Variants in DNAI4 observed in about 807,000 individuals in gnomAD.
The protein encoded by DNAI4 is dynein axonemal intermediate chain 4.
A neutral mutation model predicts 105.8 loss-of-function variants in DNAI4; 85 were observed. That is an observed-to-expected ratio of 0.80 (90% confidence interval 0.67 to 0.96). DNAI4 has a LOEUF of 0.96. Among genes scored for constraint, DNAI4 ranks in the 40% least tolerant of loss-of-function variants. DNAI4 has a pLI of 0.00. For missense variants in DNAI4, 1,014 were observed against 1,005.6 expected (o/e 1.01, Z -0.11); for synonymous variants, 352 against 331.5 (o/e 1.06, Z -0.67).
chr1:66,827,508 A>T (rs1645780671), intron 14 of DNAI4, among the ~76,000 whole-genome samples: 1 of 152,164 alleles, frequency 6.6e-6, no homozygotes, highest in East Asian at 1.9e-4. Context: ...CATTAAAAAA[A>T]ATAAGCTATA....
intron 7 of DNAI4, among the ~76,000 whole-genome samples, chr1:66,853,000 C>T (rs1557926843): frequency 6.6e-6 from 1 of 152,252 alleles, no homozygotes; most frequent in East Asian, 1.9e-4. Context: ...AGTCAAGTAG[C>T]TAAAGCCAAG....
intron 2 of DNAI4, among the ~76,000 whole-genome samples, chr1:66,900,489 TG>T (rs1463874113): frequency 6.6e-6 from 1 of 152,182 alleles, no homozygotes; most frequent in Non-Finnish European, 1.5e-5. Flanking sequence ...CAGATCAGTT[TG>T]GGGAGTATAA....
At chr1:66,866,760 T>A (rs556090833) in intron 6 of DNAI4, among the ~76,000 whole-genome samples, 1 of 152,320 alleles carries the variant, frequency 6.6e-6, no homozygotes, top group Non-Finnish European at 1.5e-5. Flanking sequence ...AGACTGGAAA[T>A]TATTTACCTT....
At chr1:66,893,037 A>AG (rs1647885273) in intron 3 of DNAI4, among the ~76,000 whole-genome samples, 192 bp downstream of exon 3, 2 of 112,658 alleles carry the variant, frequency 1.8e-5, no homozygotes, top group African/African-American at 7.9e-5. Flanking sequence ...AAAGAGAGGA[A>AG]AGAAAGAAAG....
At chr1:66,836,261 A>AAAG (rs1646010738) in intron 10 of DNAI4, among the ~76,000 whole-genome samples, 1 of 11,880 alleles carries the variant, frequency 8.4e-5, no homozygotes, top group Non-Finnish European at 1.9e-4. Flanking sequence ...AGAGAGAAAG[A>AAAG]AAGAAAGAAA....
chr1:66,900,854 C>G (rs935543473), intron 2 of DNAI4, among the ~76,000 whole-genome samples: 1 of 152,120 alleles, frequency 6.6e-6, no homozygotes, highest in African/African-American at 2.4e-5. Context: ...GATGTTTTTA[C>G]CTCTTACTTT....
chr1:66,833,795 A>G, intron 12 of DNAI4, 89 bp from the exon 13 acceptor site: 1 of 1,497,060 alleles, frequency 6.7e-7, no homozygotes. Context: ...GCAAATAATA[A>G]TATTAGTTCT....
intron 8 of DNAI4, among the ~76,000 whole-genome samples, chr1:66,845,157 C>T (rs1451341129): frequency 2.5e-5 from 3 of 118,486 alleles, no homozygotes; most frequent in Admixed American, 9.2e-5. Context: ...TGCCTTTGCA[C>T]TCCAGCCTGG....
intron 8 of DNAI4, among the ~76,000 whole-genome samples, chr1:66,845,805 A>T (rs533312516): frequency 3.9e-4 from 59 of 150,386 alleles, no homozygotes; most frequent in Non-Finnish European, 6.2e-4. Flanking sequence ...AGAATAGGGA[A>T]AGTTAATCTA....
chr1:66,834,163 A>G lies in DNAI4; in HGVS notation c.1734-15T>C. On this transcript the variant is annotated splice_polypyrimidine_tract_variant and intron_variant, in intron 11 of 16. Coordinates refer to ENST00000371026, the MANE Select transcript of DNAI4 (RefSeq NM_024763.5). ...GAGGTGATTCACTAAAACAGTAAAA[A>G]AAATACTAAACATATAATCATTATA... 2 of 1,578,994 alleles carry G rather than the reference A, an allele frequency of 1.3e-6. No individual in the cohort carries two copies. The highest frequency in any genetic ancestry group is 1.2e-5 in the South Asian group (1 of 83,998).
chr1:66,828,826 T>C (rs1035259088), intron 13 of DNAI4, among the ~76,000 whole-genome samples: 6 of 152,234 alleles, frequency 3.9e-5, no homozygotes, highest in African/African-American at 1.4e-4. Context: ...GATATTTTCC[T>C]ACATTTTCTT....
intron 6 of DNAI4, 92 bp downstream of exon 6, chr1:66,871,278 T>C: frequency 8.3e-7 from 1 of 1,206,676 alleles, no homozygotes; most frequent in South Asian, 1.8e-5. Context: ...TTATTTTTGC[T>C]TTATACATTT....
chr1:66,833,942 T>A, intron 12 of DNAI4, 49 bp downstream of exon 12: 1 of 1,539,936 alleles, frequency 6.5e-7, no homozygotes, highest in South Asian at 1.3e-5. Flanking sequence ...AACTAGAAAA[T>A]TTTAATTCAG....
chr1:66,817,062 A>G (rs1645532838), intron 16 of DNAI4, among the ~76,000 whole-genome samples: 1 of 152,096 alleles, frequency 6.6e-6, no homozygotes, highest in African/African-American at 2.4e-5. Context: ...TGTATTCAAA[A>G]TTTGTCATAT....
intron 6 of DNAI4, among the ~76,000 whole-genome samples, chr1:66,865,246 A>T (rs1376189378): frequency 6.6e-6 from 1 of 152,064 alleles, no homozygotes; most frequent in Non-Finnish European, 1.5e-5. Context: ...AACATGGTGA[A>T]AACCCCATCT....
intron 3 of DNAI4, among the ~76,000 whole-genome samples, chr1:66,892,704 G>C (rs555369949): frequency 6.6e-6 from 1 of 151,946 alleles, no homozygotes; most frequent in East Asian, 1.9e-4. Context: ...TCAGGAGTTC[G>C]AGATCAGTCT....
intron 1 of DNAI4, chr1:66,921,216 G>A (rs944250097): frequency 2.0e-4 from 31 of 152,100 alleles, no homozygotes; most frequent in African/African-American, 3.6e-4. Flanking sequence ...GAACATGTAA[G>A]GAATATAAAG....
At chr1:66,836,208 G>GAAAGAGAGAGAGAA (rs1409438113) in intron 10 of DNAI4, among the ~76,000 whole-genome samples, 1 of 46,812 alleles carries the variant, frequency 2.1e-5, no homozygotes, top group African/African-American at 8.5e-5. Flanking sequence ...AAGAAAGAAA[G>GAAAGAGAGAGAGAA]AGAGAGAGAG....
At chr1:66,914,377 C>A (rs1292190728) in intron 1 of DNAI4, among the ~76,000 whole-genome samples, 5 of 151,992 alleles carry the variant, frequency 3.3e-5, no homozygotes, top group African/African-American at 1.2e-4. Flanking sequence ...AGATAAAAAC[C>A]AGTTTTGATC....
Sources: allele counts gnomAD v4.1 joint callset (sites outside exome capture counted in the v4.1 genomes callset), GRCh38; gene constraint gnomAD v4.1.1; transcripts MANE v1.5; gene names NCBI Gene and HGNC (gene_info 2026-07-23, HGNC 2026-07-21).